Variants in IL19 observed in about 807,000 individuals in gnomAD.
IL19 encodes the protein interleukin-19.
In IL19, 15 loss-of-function variants were observed where a neutral mutation model predicts 19.5. The ratio of observed to expected loss-of-function variants is 0.77; its 90% confidence interval spans 0.52 to 1.19. The LOEUF (loss-of-function observed/expected upper bound fraction) is 1.19. Among genes scored for constraint, IL19 ranks in the 50% most tolerant of loss-of-function variants. The pLI, the probability that IL19 is intolerant of heterozygous loss-of-function variation, is 0.00. For missense variants in IL19, 199 were observed against 213.1 expected, an observed-to-expected ratio of 0.93 and a Z score of 0.41; for synonymous variants, 78 against 78.3, an observed-to-expected ratio of 1.00 and a Z score of 0.02.
intron 1 of IL19, among the ~76,000 whole-genome samples, chr1:206,790,107 C>T (rs910472659): frequency 6.6e-6 from 1 of 152,100 alleles, no homozygotes; most frequent in Non-Finnish European, 1.5e-5. Context: ...TTTGAAAAAT[C>T]TCCATACTCT....
chr1:206,842,045 T>C (rs902845814), intron 6 of IL19, among the ~76,000 whole-genome samples: 1 of 152,200 alleles, frequency 6.6e-6, no homozygotes, highest in African/African-American at 2.4e-5. Flanking sequence ...GCTCTGTTAC[T>C]AACTGGCTGT....
chr1:206,771,885 A>G (rs1474814801), intron 1 of IL19, among the ~76,000 whole-genome samples: 2 of 152,246 alleles, frequency 1.3e-5, no homozygotes, highest in African/African-American at 2.4e-5. Flanking sequence ...CTGGTCTTTC[A>G]GGTCTGGAAA....
chr1:206,795,705 C>A (rs1016708068), intron 1 of IL19, among the ~76,000 whole-genome samples: 1 of 152,164 alleles, frequency 6.6e-6, no homozygotes, highest in South Asian at 2.1e-4. Flanking sequence ...ACATGGATAA[C>A]TGTTTACCTT....
At position 206,840,506 on chromosome 1, in the gene IL19, AT is replaced by A. The variant is rs1337870254; in HGVS notation, c.364-495del. 1.3e-5 allele frequency: 3 copies of A among 226,242 alleles called. No homozygotes were observed. In the East Asian group the frequency reaches 3.5e-4, roughly 26 times the overall value. 14.0% of individuals were successfully genotyped at this position (226,242 alleles called of 1,614,324 possible). A position where few individuals can be genotyped will look rare whatever the true frequency, so the allele number is the denominator to read the frequency against. The stretch of plus-strand genomic sequence containing the variant: ...GGCTCTAGCCCCATTCCTGCTAATG[AT>A]TTCCTGTGAGACTTTGTGGCAAGTG... On this transcript the variant is annotated intron_variant, in intron 5 of 6. Transcript: ENST00000659997.
chr1:206,804,670 G>A (rs1675798959), intron 2 of IL19, among the ~76,000 whole-genome samples: 2 of 152,156 alleles, frequency 1.3e-5, no homozygotes, highest in African/African-American at 4.8e-5. Flanking sequence ...AATGACCCAG[G>A]GATCAAACAG....
chr1:206,815,897 G>T (rs1300667039), intron 2 of IL19, among the ~76,000 whole-genome samples: 5 of 152,144 alleles, frequency 3.3e-5, no homozygotes, highest in African/African-American at 7.2e-5. Context: ...TGTACAGCAG[G>T]CCCTCGAATA....
intron 2 of IL19, among the ~76,000 whole-genome samples, chr1:206,808,348 CA>C (rs1019247815): frequency 6.6e-6 from 1 of 152,038 alleles, no homozygotes; most frequent in African/African-American, 2.4e-5. Flanking sequence ...TAAACAACAA[CA>C]AAAAACAAAC....
intron 2 of IL19, among the ~76,000 whole-genome samples, chr1:206,817,235 A>T (rs1676179935): frequency 6.6e-6 from 1 of 152,196 alleles, no homozygotes; most frequent in Non-Finnish European, 1.5e-5. Flanking sequence ...TGAAGAGATA[A>T]CTGCGCATGC....
At chr1:206,808,877 G>A (rs981513301) in intron 2 of IL19, among the ~76,000 whole-genome samples, 1 of 152,168 alleles carries the variant, frequency 6.6e-6, no homozygotes, top group Non-Finnish European at 1.5e-5. Context: ...AGGCTGCAGG[G>A]GCTAGAGATG....
At chr1:206,815,498 G>A (rs1676132101) in intron 2 of IL19, among the ~76,000 whole-genome samples, 1 of 152,042 alleles carries the variant, frequency 6.6e-6, no homozygotes, top group African/African-American at 2.4e-5. Context: ...CTTTGGATTG[G>A]GTGGATTTAG....
At chr1:206,778,750 C>A (rs1339107105) in intron 1 of IL19, among the ~76,000 whole-genome samples, 1 of 152,202 alleles carries the variant, frequency 6.6e-6, no homozygotes, top group East Asian at 1.9e-4. Flanking sequence ...CACCTTCATC[C>A]AGTGCACCCT....
At chr1:206,802,683 T>C (rs1280072927) in intron 2 of IL19, among the ~76,000 whole-genome samples, 1 of 152,140 alleles carries the variant, frequency 6.6e-6, no homozygotes, top group Non-Finnish European at 1.5e-5. Context: ...TTTTCTTTTT[T>C]TTTTGCCATG....
chr1:206,780,582 G>A (rs939270660), intron 1 of IL19, among the ~76,000 whole-genome samples: 7 of 152,170 alleles, frequency 4.6e-5, no homozygotes, highest in African/African-American at 1.7e-4. Context: ...ACTCCTCCAT[G>A]GCTGCTGGAA....
chr1:206,773,002 T>C (rs3024488), intron 1 of IL19, among the ~76,000 whole-genome samples: 177 of 152,302 alleles, frequency 1.2e-3, no homozygotes, highest in African/African-American at 4.1e-3. Context: ...GTGGGCTAAA[T>C]ATCCTCAAAG....
At chr1:206,832,021 C>T (rs1360725101) in intron 2 of IL19, among the ~76,000 whole-genome samples, 1 of 152,250 alleles carries the variant, frequency 6.6e-6, no homozygotes, top group Non-Finnish European at 1.5e-5. Flanking sequence ...GCTATTCTCA[C>T]ATGTGCAGAG....
At chr1:206,822,667 G>C (rs1028906403) in intron 2 of IL19, among the ~76,000 whole-genome samples, 1 of 152,198 alleles carries the variant, frequency 6.6e-6, no homozygotes. Context: ...ACAGAGCCCA[G>C]GTCTTGACTG....
At chr1:206,799,897 T>C (rs915233282) in intron 2 of IL19, among the ~76,000 whole-genome samples, 4 of 152,224 alleles carry the variant, frequency 2.6e-5, no homozygotes, top group Admixed American at 6.5e-5. Context: ...CTTCTTGACA[T>C]GTATTGCTTT....
Position 206,823,261 on chromosome 1 carries a change from G to T in IL19, c.-2-13400G>T, listed in dbSNP as rs1390527223. Reference sequence around the variant, plus strand: ...TTTCTAGGTGATCCAAGTTAGAAAAGACACCAAGATGGCTGGGTGTGGTGG... The same window carrying T: ...TTTCTAGGTGATCCAAGTTAGAAAATACACCAAGATGGCTGGGTGTGGTGG... On this transcript the variant is annotated intron_variant, in intron 2 of 6. Transcript: ENST00000659997. Among the ~76,000 whole-genome samples, 7 of 152,166 alleles carry T rather than the reference G, an allele frequency of 4.6e-5. No homozygotes were observed. The East Asian group carries it at 1.2e-3, about 25-fold the overall frequency.
chr1:206,835,953 C>T (rs545113499), intron 2 of IL19, among the ~76,000 whole-genome samples: 2 of 152,384 alleles, frequency 1.3e-5, no homozygotes, highest in South Asian at 4.1e-4. Context: ...GGGTCTGGCC[C>T]TGGCTATGAA....
Sources: allele counts gnomAD v4.1 joint callset (sites outside exome capture counted in the v4.1 genomes callset), GRCh38; gene constraint gnomAD v4.1.1; transcripts MANE v1.5; gene names NCBI Gene and HGNC (gene_info 2026-07-23, HGNC 2026-07-21).